Variants in SLC35F1 observed in about 807,000 individuals in gnomAD.
The protein encoded by SLC35F1 is chromosome 6 open reading frame 169.
Under a neutral mutation model 48.7 loss-of-function variants are expected in SLC35F1, and 14 were observed. The observed-to-expected ratio is 0.29, with a 90% confidence interval of 0.19 to 0.45. The LOEUF is 0.45. Among genes scored for constraint, SLC35F1 ranks in the 20% least tolerant of loss-of-function variants. The probability of loss-of-function intolerance (pLI) is 1.00; values close to 1 mark genes in which losing one functional copy is unlikely to be tolerated. For missense variants in SLC35F1, 404 were observed against 500.0 expected (o/e 0.81, Z 1.83); for synonymous variants, 190 against 202.2 (o/e 0.94, Z 0.51).
At chr6:118,085,937 C>A (rs2114331844) in intron 1 of SLC35F1, among the ~76,000 whole-genome samples, 1 of 152,038 alleles carries the variant, frequency 6.6e-6, no homozygotes, top group African/African-American at 2.4e-5. Context: ...ATCAAATTTC[C>A]CCCTTCTTGA....
intron 2 of SLC35F1, among the ~76,000 whole-genome samples, chr6:118,194,157 T>G (rs894511274): frequency 1.1e-4 from 17 of 152,154 alleles, no homozygotes; most frequent in African/African-American, 4.1e-4. Context: ...TGAAGTTTCT[T>G]AATTGGATTA....
intron 6 of SLC35F1, among the ~76,000 whole-genome samples, chr6:118,282,968 C>A (rs1329460825): frequency 6.6e-6 from 1 of 152,188 alleles, no homozygotes. Flanking sequence ...CCAAAATCAC[C>A]TTTTGAAAAT....
At chr6:118,255,607 C>T (rs556524312) in intron 3 of SLC35F1, among the ~76,000 whole-genome samples, 1 of 152,258 alleles carries the variant, frequency 6.6e-6, no homozygotes, top group Admixed American at 6.5e-5. Context: ...TCTTTCTTTT[C>T]TCCTTTGAGA....
chr6:118,028,327 A>T (rs1771987859), intron 1 of SLC35F1, among the ~76,000 whole-genome samples: 1 of 152,056 alleles, frequency 6.6e-6, no homozygotes, highest in Non-Finnish European at 1.5e-5. Context: ...AGCCTTTTTC[A>T]AAAGACTGGG....
At chr6:117,934,253 G>A (rs1224330468) in intron 1 of SLC35F1, among the ~76,000 whole-genome samples, 1 of 152,098 alleles carries the variant, frequency 6.6e-6, no homozygotes, top group African/African-American at 2.4e-5. Context: ...AGTTCAGCGT[G>A]GCTGATGTGA....
chr6:118,130,822 T>C (rs1475926298), intron 1 of SLC35F1, among the ~76,000 whole-genome samples: 1 of 152,084 alleles, frequency 6.6e-6, no homozygotes, highest in Non-Finnish European at 1.5e-5. Flanking sequence ...AATAAAGTGC[T>C]CAGAGGCCAT....
At chr6:118,031,828 G>A (rs998172568) in intron 1 of SLC35F1, among the ~76,000 whole-genome samples, 4 of 152,250 alleles carry the variant, frequency 2.6e-5, no homozygotes, top group East Asian at 3.9e-4. Context: ...TTGGGTCATC[G>A]GGTCATTGCT....
At chr6:117,961,574 C>A (rs1776498979) in intron 1 of SLC35F1, among the ~76,000 whole-genome samples, 1 of 152,176 alleles carries the variant, frequency 6.6e-6, no homozygotes, top group South Asian at 2.1e-4. Context: ...CTCTTAGTTG[C>A]CTTTTGTGCT....
At chr6:118,225,724 AAT>A (rs1775206607) in intron 2 of SLC35F1, among the ~76,000 whole-genome samples, 1 of 22,598 alleles carries the variant, frequency 4.4e-5, no homozygotes, top group African/African-American at 1.3e-4. Context: ...ATACAAAAAA[AAT>A]TTAGCTGGGT....
At chr6:118,110,890 G>T (rs945838065) in intron 1 of SLC35F1, among the ~76,000 whole-genome samples, 57 of 152,000 alleles carry the variant, frequency 3.8e-4, no homozygotes, top group Admixed American at 1.7e-3. Flanking sequence ...AGGCAAGAGG[G>T]TGCTGAAGTT....
chr6:118,230,264 C>T (rs754241596), intron 2 of SLC35F1, among the ~76,000 whole-genome samples: 5 of 151,820 alleles, frequency 3.3e-5, no homozygotes, highest in East Asian at 1.9e-4. Flanking sequence ...CGCTTGAACC[C>T]GGGAGGCGGA....
intron 1 of SLC35F1, among the ~76,000 whole-genome samples, chr6:118,081,605 A>T (rs1340482118): frequency 2.0e-5 from 3 of 152,202 alleles, no homozygotes; most frequent in Non-Finnish European, 4.4e-5. Flanking sequence ...ACTGTACTCC[A>T]GCCTGGGTGA....
At chr6:118,059,469 C>T (rs993638991) in intron 1 of SLC35F1, among the ~76,000 whole-genome samples, 3 of 152,186 alleles carry the variant, frequency 2.0e-5, no homozygotes, top group African/African-American at 7.2e-5. Flanking sequence ...AAGTTGGTTA[C>T]ATTCCAAGGT....
At chr6:117,935,256 C>A (rs1776150216) in intron 1 of SLC35F1, among the ~76,000 whole-genome samples, 1 of 152,058 alleles carries the variant, frequency 6.6e-6, no homozygotes. Flanking sequence ...CTTTTTAAAT[C>A]CACATGATAT....
At chr6:118,267,779 A>G (rs1775793656) in intron 4 of SLC35F1, among the ~76,000 whole-genome samples, 1 of 152,200 alleles carries the variant, frequency 6.6e-6, no homozygotes, top group Admixed American at 6.5e-5. Context: ...TTATAAACCC[A>G]TAAGGTAAAG....
At chr6:117,977,717 T>G (rs1463648795) in intron 1 of SLC35F1, among the ~76,000 whole-genome samples, 1 of 152,160 alleles carries the variant, frequency 6.6e-6, no homozygotes, top group Non-Finnish European at 1.5e-5. Flanking sequence ...TCTATGGTTT[T>G]AAAAATATAT....
intron 1 of SLC35F1, among the ~76,000 whole-genome samples, chr6:117,908,162 C>A (rs1775718713): frequency 6.6e-6 from 1 of 152,158 alleles, no homozygotes; most frequent in South Asian, 2.1e-4. Context: ...TCGTACCTAG[C>A]CACCCTGTAT....
chr6:117,960,774 C>A (rs1776487814), intron 1 of SLC35F1, among the ~76,000 whole-genome samples: 1 of 151,972 alleles, frequency 6.6e-6, no homozygotes, highest in African/African-American at 2.4e-5. Context: ...AGTCAGGTGA[C>A]CAGAGAAACA....
At chr6:118,158,266 A>G (rs1774174464) in intron 2 of SLC35F1, among the ~76,000 whole-genome samples, 1 of 152,258 alleles carries the variant, frequency 6.6e-6, no homozygotes, top group South Asian at 2.1e-4. Context: ...GGAAATGAAC[A>G]TAATAATTAC....
Sources: gnomAD v4.1 joint callset for allele counts (sites outside exome capture counted in the v4.1 genomes callset) on GRCh38, gnomAD v4.1.1 for gene constraint, MANE v1.5 for transcripts, NCBI Gene and HGNC (gene_info 2026-07-23, HGNC 2026-07-21) for gene names.